The following RBFOX1 variants were observed in gnomAD, a reference collection of about 807,000 sequenced individuals.
The protein encoded by RBFOX1 is RNA binding protein fox-1 homolog 1.
A neutral mutation model predicts 57.7 loss-of-function variants in RBFOX1; 8 were observed. The observed-to-expected ratio is 0.14, with a 90% CI of 0.08 to 0.25. The LOEUF is 0.25. RBFOX1 is among the 10% of genes least tolerant of loss of function. The pLI, the probability that RBFOX1 is intolerant of heterozygous loss-of-function variation, is 1.00. For synonymous variants in RBFOX1, 326 were observed against 222.4 expected, an observed-to-expected ratio of 1.47 and a Z score of -4.15; for missense variants, 611 against 548.5, an observed-to-expected ratio of 1.11 and a Z score of -1.14.
At chr16:5,344,212 C>G (rs2065092569) in intron 1 of RBFOX1, among the ~76,000 whole-genome samples, 1 of 152,178 alleles carries the variant, frequency 6.6e-6, no homozygotes. Context: ...TGCTGTTGAG[C>G]TGTTGGCCTC....
At chr16:5,266,199 T>G (rs187483784) in intron 1 of RBFOX1, among the ~76,000 whole-genome samples, 1 of 152,298 alleles carries the variant, frequency 6.6e-6, no homozygotes, top group Non-Finnish European at 1.5e-5. Context: ...GCTGTGACAC[T>G]GCTGACATTT....
chr16:6,908,708 G>C (rs1311822628), intron 3 of RBFOX1, among the ~76,000 whole-genome samples: 1 of 152,094 alleles, frequency 6.6e-6, no homozygotes, highest in African/African-American at 2.4e-5. Flanking sequence ...GCAGGCTCCA[G>C]GGTCAGAATG....
intron 4 of RBFOX1, among the ~76,000 whole-genome samples, chr16:7,355,449 T>C (rs1490644333): frequency 6.6e-6 from 1 of 152,146 alleles, no homozygotes; most frequent in African/African-American, 2.4e-5. Context: ...CTGCTAACGA[T>C]TTGGAGTGTG....
In RBFOX1 at chr16:6,246,004, A is replaced by G. The variant is rs371875276; in HGVS notation, c.-126-70991A>G. ...TTTTTTCTAAATGCTCTTTAACTTC[A>G]ATGTCCCAGCTTTCTTAGAGGTCCT... On this transcript the variant is annotated intron_variant, in intron 1 of 15. Transcript: ENST00000550418. 3.1e-4 allele frequency among the ~76,000 whole-genome samples: 47 copies of G among 152,292 alleles called. 1 individual carries two copies. Among genetic ancestry groups the G allele is most frequent in the African/African-American group, 1.0e-3 (43 of 41,560 alleles).
intron 4 of RBFOX1, among the ~76,000 whole-genome samples, chr16:5,990,722 C>G (rs1017033558): frequency 9.2e-5 from 14 of 152,198 alleles, no homozygotes; most frequent in Admixed American, 8.5e-4. Context: ...AATCGCAACA[C>G]TTCAGAAGGC....
intron 3 of RBFOX1, among the ~76,000 whole-genome samples, chr16:6,858,834 C>A (rs573142829): frequency 6.6e-6 from 1 of 151,902 alleles, no homozygotes; most frequent in Non-Finnish European, 1.5e-5. Flanking sequence ...GAAGTATAAT[C>A]TTCAATTCAA....
At chr16:6,655,503 C>T (rs181116004) in intron 3 of RBFOX1, among the ~76,000 whole-genome samples, 1 of 149,982 alleles carries the variant, frequency 6.7e-6, no homozygotes, top group Non-Finnish European at 1.5e-5. Context: ...CCATTTTCTA[C>T]ATATTTAGAG....
intron 1 of RBFOX1, among the ~76,000 whole-genome samples, chr16:5,334,413 C>G (rs148552425): frequency 6.6e-6 from 1 of 152,100 alleles, no homozygotes; most frequent in Non-Finnish European, 1.5e-5. Flanking sequence ...GGCTATGTTC[C>G]TGCTCTGTCA....
intron 1 of RBFOX1, among the ~76,000 whole-genome samples, chr16:5,320,574 C>A (rs2064374626): frequency 6.6e-6 from 1 of 152,230 alleles, no homozygotes. Context: ...TTTCTGCTGC[C>A]TGATCTGTGC....
Position 6,517,870 on chromosome 16 carries a change from G to A in RBFOX1, c.-63-136733G>A, listed in dbSNP as rs1369491814. Reference sequence around the variant, plus strand: ...ACCAGAGATTGTATGAGAAATAAATGTCTTATAAAGTCTGGGGCCTTAATA... The same window carrying A: ...ACCAGAGATTGTATGAGAAATAAATATCTTATAAAGTCTGGGGCCTTAATA... On this transcript the variant is annotated intron_variant, in intron 2 of 15. Transcript: ENST00000550418. Among the ~76,000 whole-genome samples the A allele has an allele frequency of 2.0e-5, 3 of 152,154 alleles. No individual in the cohort carries two copies. In the East Asian group the frequency reaches 5.8e-4, roughly 29 times the overall value.
Position 6,774,708 on chromosome 16 carries a change from T to C in RBFOX1, c.-16+120058T>C, listed in dbSNP as rs78610546. ...ATTAGCATTAAAACGATTAGTATTA[T>C]AATTTTATAATACTAATTATAACTA... On this transcript the variant is annotated intron_variant, in intron 3 of 15. Coordinates refer to ENST00000550418, the MANE Select transcript of RBFOX1 (RefSeq NM_018723.4). 0.024 allele frequency among the ~76,000 whole-genome samples: 3,715 copies of C among 152,172 alleles called. 262 individuals are homozygous for C. The East Asian group carries it at 0.28, about 11-fold the overall frequency.
chr16:7,675,628 T>C (rs1178467421), intron 13 of RBFOX1, among the ~76,000 whole-genome samples: 1 of 152,234 alleles, frequency 6.6e-6, no homozygotes, highest in Non-Finnish European at 1.5e-5. Flanking sequence ...AAGAGGCTTT[T>C]TGTAGCTTCC....
intron 3 of RBFOX1, among the ~76,000 whole-genome samples, chr16:5,853,733 C>G (rs1018736643): frequency 1.3e-5 from 2 of 152,166 alleles, no homozygotes; most frequent in Non-Finnish European, 2.9e-5. Context: ...GGTACCCTAG[C>G]TAAGCCTGCT....
At chr16:5,267,283 G>T (rs977781119) in intron 1 of RBFOX1, among the ~76,000 whole-genome samples, 1 of 144,006 alleles carries the variant, frequency 6.9e-6, no homozygotes, top group African/African-American at 2.7e-5. Context: ...CTGTTACAAG[G>T]CCCACACATA....
At chr16:6,826,444 C>A (rs552106692) in intron 3 of RBFOX1, among the ~76,000 whole-genome samples, 3 of 151,804 alleles carry the variant, frequency 2.0e-5, no homozygotes, top group African/African-American at 7.3e-5. Flanking sequence ...AAGTAATTCC[C>A]ATGGGTTGTT....
At chr16:6,941,606 C>T (rs1328016994) in intron 3 of RBFOX1, among the ~76,000 whole-genome samples, 1 of 151,720 alleles carries the variant, frequency 6.6e-6, no homozygotes, top group African/African-American at 2.4e-5. Flanking sequence ...CTAAATTATG[C>T]CCCTCCTCTG....
At chr16:6,941,133 G>C (rs2078371160) in intron 3 of RBFOX1, among the ~76,000 whole-genome samples, 1 of 151,890 alleles carries the variant, frequency 6.6e-6, no homozygotes, top group Non-Finnish European at 1.5e-5. Context: ...CAAGTCTACT[G>C]GGATATGGAG....
chr16:5,900,239 T>C (rs545960971), intron 4 of RBFOX1, among the ~76,000 whole-genome samples: 2 of 152,312 alleles, frequency 1.3e-5, no homozygotes, highest in African/African-American at 4.8e-5. Flanking sequence ...TGCTTTGTCA[T>C]TGTGGCATAC....
intron 2 of RBFOX1, among the ~76,000 whole-genome samples, chr16:6,319,098 A>T (rs901272008): frequency 1.3e-5 from 2 of 152,078 alleles, no homozygotes; most frequent in Non-Finnish European, 2.9e-5. Context: ...AACATGTTGG[A>T]TGCATGCTGG....
Sources: gnomAD v4.1 joint callset for allele counts (sites outside exome capture counted in the v4.1 genomes callset) on GRCh38, gnomAD v4.1.1 for gene constraint, MANE v1.5 for transcripts, NCBI Gene and HGNC (gene_info 2026-07-23, HGNC 2026-07-21) for gene names.